EHMT1: variants seen among roughly 807,000 people sequenced by gnomAD.
The protein encoded by EHMT1 is histone-lysine N-methyltransferase EHMT1.
EHMT1 carries 15 observed loss-of-function variants against 147.2 expected under a neutral mutation model. The ratio of observed to expected loss-of-function variants is 0.10; its 90% CI spans 0.07 to 0.16. EHMT1 has a LOEUF of 0.16. EHMT1 is among the 10% of genes least tolerant of loss of function. EHMT1 has a pLI of 1.00. For synonymous variants in EHMT1, 795 were observed against 709.6 expected, an observed-to-expected ratio of 1.12 and a Z score of -1.91; for missense variants, 1,587 against 1,772.4, an observed-to-expected ratio of 0.90 and a Z score of 1.88.
At chr9:137,654,084 A>T (rs1938165390) in intron 1 of EHMT1, among the ~76,000 whole-genome samples, 1 of 152,154 alleles carries the variant, frequency 6.6e-6, no homozygotes, top group African/African-American at 2.4e-5. Context: ...CTTCATTGAA[A>T]AATTAATTGA....
chr9:137,802,879 G>C, intron 18 of EHMT1: 1 of 1,232,180 alleles, frequency 8.1e-7, no homozygotes, highest in Non-Finnish European at 1.0e-6. Context: ...ATGAAGAGAG[G>C]AGCCCTGAGC....
rs1949950477 is a variant in EHMT1, at chr9:137,762,989, G to A, written c.1647+169G>A. The A allele has an allele frequency of 1.7e-5, 14 of 843,060 alleles. No homozygotes were observed. In the South Asian group the frequency reaches 2.0e-4, roughly 12 times the overall value. 52.2% of individuals were successfully genotyped at this position (843,060 alleles called of 1,614,324 possible). ...AGCAGATCCCAACAGTGAAATCACG[G>A]CAGATGATGAAACACAGGTCTAGAG... On this transcript the variant is annotated intron_variant, in intron 10 of 26. Coordinates refer to ENST00000460843, the MANE Select transcript of EHMT1 (RefSeq NM_024757.5).
intron 3 of EHMT1, among the ~76,000 whole-genome samples, chr9:137,724,133 C>G (rs1321943904): frequency 6.6e-6 from 1 of 152,374 alleles, no homozygotes; most frequent in East Asian, 1.9e-4. Context: ...ACCTCACCTC[C>G]TGGTACCCAC....
chr9:137,834,452 C>T lies in EHMT1; in HGVS notation c.3644C>T (p.Ala1215Val), dbSNP rs750256340. 6.8e-6 allele frequency: 11 copies of T among 1,613,122 alleles called. No individual in the cohort carries two copies. The highest frequency in any genetic ancestry group is 9.3e-6 in the Non-Finnish European group (11 of 1,179,810). The change falls in exon 26 of 27, where the codon GCC becomes GTC. Residue 1215 changes from alanine (A) to valine (V), a missense_variant. Around this residue, in one of 7 missense-constraint regions of EHMT1, gnomAD observed 141 missense variants for 150.8 expected, o/e 0.94. Coordinates refer to ENST00000460843, the MANE Select transcript of EHMT1 (RefSeq NM_024757.5). Reference sequence around the variant, plus strand: ...CTGGTGCCCGTGCGCGTGTTCATGGCCCACCAGGACCTGCGGTTCCCCCGG... The same window carrying T: ...CTGGTGCCCGTGCGCGTGTTCATGGTCCACCAGGACCTGCGGTTCCCCCGG... ...PNLVPVRVFM[A>V]HQDLRFPRIA...
At chr9:137,635,502 A>G (rs921530529) in intron 1 of EHMT1, among the ~76,000 whole-genome samples, 1 of 150,422 alleles carries the variant, frequency 6.6e-6, no homozygotes, top group South Asian at 2.2e-4. Flanking sequence ...GGCATGAACC[A>G]CTGCGCTCGG....
intron 1 of EHMT1, among the ~76,000 whole-genome samples, chr9:137,672,897 A>G (rs941065510): frequency 6.6e-6 from 1 of 152,214 alleles, no homozygotes; most frequent in Non-Finnish European, 1.5e-5. Context: ...GTGGTCTTCT[A>G]CCAGGAACTT....
At chr9:137,626,916 G>A (rs557258486) in intron 1 of EHMT1, among the ~76,000 whole-genome samples, 2 of 151,994 alleles carry the variant, frequency 1.3e-5, no homozygotes, top group Non-Finnish European at 2.9e-5. Context: ...ACAGGTAGCT[G>A]GGATTACAGG....
Position 137,732,037 on chromosome 9 carries a change from T to C in EHMT1, c.823+3508T>C, listed in dbSNP as rs1407433214. Among the ~76,000 whole-genome samples the C allele has an allele frequency of 6.6e-6, 1 of 152,242 alleles. No individual in the cohort carries two copies. Among genetic ancestry groups the C allele is most frequent in the Non-Finnish European group, 1.5e-5 (1 of 68,034 alleles). On this transcript the variant is annotated intron_variant, in intron 4 of 26. Transcript: ENST00000460843. The surrounding 1 kb of genome is among the most constrained non-coding windows in gnomAD (Gnocchi z 4.6). Reference sequence around the variant, plus strand: ...AGGGTGGGAGAGTGTGCTATAGCTCTCTTGCTGTCACCACCCACAGTACGG... The same window carrying C: ...AGGGTGGGAGAGTGTGCTATAGCTCCCTTGCTGTCACCACCCACAGTACGG...
intron 3 of EHMT1, among the ~76,000 whole-genome samples, chr9:137,717,865 A>C (rs1196628873): frequency 6.6e-6 from 1 of 152,204 alleles, no homozygotes; most frequent in African/African-American, 2.4e-5. Context: ...GAACTTGGTT[A>C]GGGCCAGAAT....
intron 10 of EHMT1, among the ~76,000 whole-genome samples, chr9:137,768,552 T>A (rs1485144077): frequency 1.1e-5 from 1 of 94,746 alleles, no homozygotes; most frequent in Non-Finnish European, 2.1e-5. Flanking sequence ...TTTTTTTTTT[T>A]TTTTTTTTTT....
At chr9:137,734,163 C>G (rs1947342142) in intron 4 of EHMT1, among the ~76,000 whole-genome samples, 1 of 152,180 alleles carries the variant, frequency 6.6e-6, no homozygotes, top group African/African-American at 2.4e-5. Flanking sequence ...CAGAAAAGAT[C>G]TGATGCCAGA....
At chr9:137,713,842 C>G (rs999949742) in intron 2 of EHMT1, among the ~76,000 whole-genome samples, 4 of 151,942 alleles carry the variant, frequency 2.6e-5, no homozygotes, top group Non-Finnish European at 4.4e-5. Context: ...CCCAGCTACT[C>G]ATGAGGCTGA....
chr9:137,783,916 C>G (rs1430617254), intron 15 of EHMT1, among the ~76,000 whole-genome samples: 1 of 152,184 alleles, frequency 6.6e-6, no homozygotes, highest in East Asian at 1.9e-4. Flanking sequence ...GTATTTTAAA[C>G]GTAGAACTTG....
At chr9:137,644,500 G>A (rs1844741625) in intron 1 of EHMT1, among the ~76,000 whole-genome samples, 1 of 152,060 alleles carries the variant, frequency 6.6e-6, no homozygotes, top group Non-Finnish European at 1.5e-5. Context: ...GCTAATTTTT[G>A]TATTTTTAAT....
At chr9:137,733,163 A>G (rs1947260858) in intron 4 of EHMT1, among the ~76,000 whole-genome samples, 1 of 152,252 alleles carries the variant, frequency 6.6e-6, no homozygotes, top group Non-Finnish European at 1.5e-5. Context: ...TGTGCTGTGC[A>G]AGAAGGTTGA....
intron 14 of EHMT1, among the ~76,000 whole-genome samples, chr9:137,780,679 A>G (rs1445949872): frequency 4.4e-5 from 3 of 67,868 alleles, no homozygotes; most frequent in African/African-American, 7.7e-5. Context: ...GATGACGCCG[A>G]GACGTGTGGT....
At position 137,813,368 on chromosome 9, in the gene EHMT1, C is replaced by G. The variant is rs1348453210; in HGVS notation, c.3036-18C>G. Reference sequence around the variant, plus strand: ...GAGCACGTCAGCCACCAGGTGACACCTGTCCTTTCCATGGCAGGGACATCG... The same window carrying G: ...GAGCACGTCAGCCACCAGGTGACACGTGTCCTTTCCATGGCAGGGACATCG... On this transcript the variant is annotated intron_variant, in intron 20 of 26. Coordinates refer to ENST00000460843, the MANE Select transcript of EHMT1 (RefSeq NM_024757.5). The surrounding 1 kb of genome is among the most constrained non-coding windows in gnomAD (Gnocchi z 4.9). 1 of 1,606,670 alleles carries G rather than the reference C, an allele frequency of 6.2e-7. No homozygotes were observed. Among genetic ancestry groups the G allele is most frequent in the Non-Finnish European group, 8.5e-7 (1 of 1,178,040 alleles).
In EHMT1 at chr9:137,834,463, C is replaced by T. The variant is rs779988560; in HGVS notation, c.3655C>T (p.Leu1219=). 4.3e-6 allele frequency: 7 copies of T among 1,612,936 alleles called. No individual in the cohort carries two copies. Among genetic ancestry groups the T allele is most frequent in the Middle Eastern group, 1.6e-4 (1 of 6,084 alleles). ...PVRVFMAHQD[L]RFPRIAFFST... ...GCGCGTGTTCATGGCCCACCAGGAC[C>T]TGCGGTTCCCCCGGATCGCCTTCTT... The change falls in exon 26 of 27, where the codon CTG becomes TTG. Residue 1219 remains leucine, a synonymous_variant. Coordinates refer to ENST00000460843, the MANE Select transcript of EHMT1 (RefSeq NM_024757.5).
rs554645679 is a variant in EHMT1 at position 137,769,598 on chromosome 9, C to T, written c.1648-5511C>T. On this transcript the variant is annotated intron_variant, in intron 10 of 26. Transcript: ENST00000460843. ...GGTTTCTAATGAGACATTGGCTGAA[C>T]TTGCCTCTGTTCCTTTGCATACTAT... is the stretch of plus-strand genomic sequence containing the variant. 2.1e-4 allele frequency among the ~76,000 whole-genome samples: 32 copies of T among 151,416 alleles called. No individual in the cohort carries two copies. The South Asian group carries it at 6.5e-3, about 31-fold the overall frequency.
Sources: allele counts gnomAD v4.1 joint callset (sites outside exome capture counted in the v4.1 genomes callset), GRCh38; gene constraint gnomAD v4.1.1; regional missense constraint gnomAD v4.1.1; non-coding constraint Gnocchi (gnomAD v3.1); transcripts MANE v1.5; gene names NCBI Gene and HGNC (gene_info 2026-07-23, HGNC 2026-07-21).